The following NKAIN2 variants were observed in gnomAD, a reference collection of about 807,000 sequenced individuals.
The protein encoded by NKAIN2 is sodium/potassium transporting ATPase interacting 2, also known as sodium/potassium-transporting ATPase subunit beta-1-interacting protein 2.
NKAIN2 carries 14 observed loss-of-function variants against 32.6 expected under a neutral mutation model. The observed-to-expected ratio is 0.43, with a 90% CI of 0.28 to 0.67. The LOEUF (loss-of-function observed/expected upper bound fraction) is 0.67, where lower values mean the gene tolerates loss of function less well. Ranked by LOEUF, NKAIN2 falls within the 30% of genes least tolerant of loss-of-function variation. NKAIN2 has a pLI of 0.17. For synonymous variants in NKAIN2, 80 were observed against 87.2 expected (o/e 0.92, Z 0.46); for missense variants, 198 against 258.3 (o/e 0.77, Z 1.60).
At chr6:124,711,721 T>TA (rs1038148398) in intron 4 of NKAIN2, among the ~76,000 whole-genome samples, 4 of 151,764 alleles carry the variant, frequency 2.6e-5, no homozygotes, top group African/African-American at 7.3e-5. Flanking sequence ...TACATTCTTC[T>TA]AATTTTTTTT....
At position 124,814,458 on chromosome 6, in the gene NKAIN2, G is replaced by A. The variant is rs139562224; in HGVS notation, c.536-3929G>A. On this transcript the variant is annotated intron_variant, in intron 5 of 6. Coordinates refer to ENST00000368417, the MANE Select transcript of NKAIN2 (RefSeq NM_001040214.3). Reference sequence around the variant, plus strand: ...TGCTTCTTTTCTCATCTTGGTTCTGGGTCACCCTCTGTTGGAACTTCTTCC... The same window carrying A: ...TGCTTCTTTTCTCATCTTGGTTCTGAGTCACCCTCTGTTGGAACTTCTTCC... Among the ~76,000 whole-genome samples the A allele has an allele frequency of 6.1e-3, 930 of 152,120 alleles. 5 individuals carry two copies. The highest frequency in any genetic ancestry group is 0.011 in the Non-Finnish European group (741 of 67,984).
rs116947003 is a variant in NKAIN2, at chr6:124,680,385, T to C, written c.474+21999T>C. Among the ~76,000 whole-genome samples the C allele has an allele frequency of 1.6e-4, 25 of 152,220 alleles. No individual in the cohort carries two copies. In the East Asian group the frequency reaches 4.4e-3, roughly 27 times the overall value. On this transcript the variant is annotated intron_variant, in intron 4 of 6. Coordinates refer to ENST00000368417, the MANE Select transcript of NKAIN2 (RefSeq NM_001040214.3). ...CTAGTTTTAGTGTCAAATAATTAGA[T>C]AGCTTCTCATGAACTCATTCAAAGC... is the stretch of plus-strand genomic sequence containing the variant.
At chr6:123,933,224 A>G (rs932826886) in intron 1 of NKAIN2, among the ~76,000 whole-genome samples, 1 of 152,190 alleles carries the variant, frequency 6.6e-6, no homozygotes, top group African/African-American at 2.4e-5. Context: ...ACTTGTCATG[A>G]TGTTTTATTT....
chr6:124,608,114 G>A (rs1005863782), intron 3 of NKAIN2, among the ~76,000 whole-genome samples: 4 of 152,106 alleles, frequency 2.6e-5, no homozygotes, highest in Non-Finnish European at 2.9e-5. Flanking sequence ...CATATATCTT[G>A]CTCACAAACC....
intron 1 of NKAIN2, among the ~76,000 whole-genome samples, chr6:124,277,623 G>C (rs112973142): frequency 0.02 from 2,993 of 152,126 alleles, 50 homozygotes; most frequent in Non-Finnish European, 0.028. Flanking sequence ...AGTCCACTTT[G>C]TCAATGCAAA....
At chr6:124,810,893 A>G (rs958772249) in intron 5 of NKAIN2, among the ~76,000 whole-genome samples, 3 of 151,102 alleles carry the variant, frequency 2.0e-5, no homozygotes, top group African/African-American at 7.3e-5. Flanking sequence ...GTCTTCCTAT[A>G]AAGGATTGCA....
intron 1 of NKAIN2, among the ~76,000 whole-genome samples, chr6:124,011,050 A>G (rs1371726256): frequency 6.6e-6 from 1 of 152,178 alleles, no homozygotes; most frequent in African/African-American, 2.4e-5. Flanking sequence ...CATTTTGACC[A>G]GATTCTGCTC....
chr6:124,398,779 G>A lies in NKAIN2; in HGVS notation c.273+43432G>A, dbSNP rs78387322. 4.1e-3 allele frequency among the ~76,000 whole-genome samples: 629 copies of A among 152,216 alleles called. 2 individuals carry two copies. The highest frequency in any genetic ancestry group is 6.7e-3 in the Non-Finnish European group (453 of 67,994). On this transcript the variant is annotated intron_variant, in intron 3 of 6. Transcript: ENST00000368417. Reference sequence around the variant, plus strand: ...TACTAGTTGATTAGTCAGAAATTAAGTACAAAAAATAGTAGAAAAACAAAT... The same window carrying A: ...TACTAGTTGATTAGTCAGAAATTAAATACAAAAAATAGTAGAAAAACAAAT...
At chr6:124,163,689 G>A (rs1290276588) in intron 1 of NKAIN2, among the ~76,000 whole-genome samples, 1 of 151,828 alleles carries the variant, frequency 6.6e-6, no homozygotes, top group Admixed American at 6.6e-5. Flanking sequence ...AGGATTTATT[G>A]CATTGAAAAA....
intron 1 of NKAIN2, among the ~76,000 whole-genome samples, chr6:124,189,746 A>G (rs1385929203): frequency 6.6e-6 from 1 of 152,176 alleles, no homozygotes; most frequent in South Asian, 2.1e-4. Flanking sequence ...ACAAATTAAT[A>G]ATGGCACAAT....
At chr6:124,779,380 G>GAAGT (rs1554263745) in intron 4 of NKAIN2, among the ~76,000 whole-genome samples, 13 of 143,964 alleles carry the variant, frequency 9.0e-5, no homozygotes, top group East Asian at 2.1e-4. Context: ...AGGAAGGAAG[G>GAAGT]AAGTCCTCCT....
At chr6:124,363,044 A>G (rs1980605) in intron 3 of NKAIN2, among the ~76,000 whole-genome samples, 69,299 of 151,734 alleles carry the variant, frequency 0.46, 15,926 homozygotes, top group South Asian at 0.54. Context: ...AATGTTCGCC[A>G]GGCTGGTCTG....
chr6:123,883,631 A>G (rs1773563293), intron 1 of NKAIN2, among the ~76,000 whole-genome samples: 1 of 143,146 alleles, frequency 7.0e-6, no homozygotes, highest in Non-Finnish European at 1.5e-5. Flanking sequence ...AGCCAATTAA[A>G]CCTCTTTTTT....
intron 3 of NKAIN2, among the ~76,000 whole-genome samples, chr6:124,597,839 A>G (rs2114974184): frequency 6.6e-6 from 1 of 152,268 alleles, no homozygotes. Flanking sequence ...TTTGATTAAA[A>G]CCATTCTTGT....
At chr6:124,184,835 G>T (rs992716809) in intron 1 of NKAIN2, among the ~76,000 whole-genome samples, 1 of 151,982 alleles carries the variant, frequency 6.6e-6, no homozygotes, top group African/African-American at 2.4e-5. Flanking sequence ...TGATCATCTT[G>T]CATTTTTTTT....
intron 3 of NKAIN2, among the ~76,000 whole-genome samples, chr6:124,415,734 AC>A (rs772988398): frequency 2.0e-5 from 3 of 152,150 alleles, no homozygotes; most frequent in African/African-American, 4.8e-5. Flanking sequence ...TCATGAGCAT[AC>A]AAAAACCCAT....
intron 4 of NKAIN2, among the ~76,000 whole-genome samples, chr6:124,784,627 C>G (rs1779420148): frequency 1.3e-5 from 2 of 152,064 alleles, no homozygotes; most frequent in South Asian, 4.2e-4. Flanking sequence ...ACTATTAACC[C>G]ACAGAATGAC....
At chr6:123,906,807 A>G (rs1271566821) in intron 1 of NKAIN2, among the ~76,000 whole-genome samples, 1 of 152,210 alleles carries the variant, frequency 6.6e-6, no homozygotes, top group Non-Finnish European at 1.5e-5. Flanking sequence ...CTTGACAATA[A>G]CATCTCATTT....
At chr6:123,943,503 G>A (rs1213924038) in intron 1 of NKAIN2, among the ~76,000 whole-genome samples, 11 of 151,972 alleles carry the variant, frequency 7.2e-5, no homozygotes. Flanking sequence ...CTTTGGCATA[G>A]GCAATCTTGG....
Sources: gnomAD v4.1 joint callset for allele counts (sites outside exome capture counted in the v4.1 genomes callset) on GRCh38, gnomAD v4.1.1 for gene constraint, MANE v1.5 for transcripts, NCBI Gene and HGNC (gene_info 2026-07-23, HGNC 2026-07-21) for gene names.